The following PLEKHA8 variants were observed in gnomAD, a reference collection of about 807,000 sequenced individuals.
PLEKHA8 encodes pleckstrin homology domain containing A8.
In PLEKHA8, 36 loss-of-function variants were observed where a neutral mutation model predicts 68.2. The ratio of observed to expected loss-of-function variants is 0.53; its 90% CI spans 0.40 to 0.70. The LOEUF (loss-of-function observed/expected upper bound fraction) is 0.70, where lower values mean the gene tolerates loss of function less well. PLEKHA8 is among the 30% of genes least tolerant of loss of function. PLEKHA8 has a pLI of 0.00. For synonymous variants in PLEKHA8, 211 were observed against 216.1 expected (o/e 0.98, Z 0.20); for missense variants, 505 against 615.4 (o/e 0.82, Z 1.90).
intron 13 of PLEKHA8, among the ~76,000 whole-genome samples, chr7:30,112,246 G>T (rs1796296285): frequency 6.6e-6 from 1 of 152,128 alleles, no homozygotes; most frequent in South Asian, 2.1e-4. Flanking sequence ...TTCACAGTCA[G>T]TATGGGGTAG....
chr7:30,079,830 G>A lies in PLEKHA8; in HGVS notation c.*1043G>A. On this transcript the variant is annotated 3_prime_UTR_variant, in exon 14 of 14. Coordinates refer to ENST00000449726, the MANE Select transcript of PLEKHA8 (RefSeq NM_001197026.2). ...ACGTGATTCTTCTGCACACAGTATTGAAGAGCAACTAGATTAAATTCTAGT... is the reference window on the plus strand; with the variant it reads ...ACGTGATTCTTCTGCACACAGTATTAAAGAGCAACTAGATTAAATTCTAGT... 2.1e-6 allele frequency: 2 copies of A among 933,446 alleles called. No individual in the cohort carries two copies. Among genetic ancestry groups the A allele is most frequent in the Non-Finnish European group, 2.6e-6 (2 of 783,178 alleles). The allele number at this position is 933,446 out of a possible 1,614,324, so 57.8% of individuals were successfully genotyped here.
chr7:30,053,093 T>A (rs1792554600), intron 7 of PLEKHA8, among the ~76,000 whole-genome samples: 1 of 152,214 alleles, frequency 6.6e-6, no homozygotes, highest in Non-Finnish European at 1.5e-5. Flanking sequence ...TGCTCAGTGT[T>A]CTTGGCTGTG....
At chr7:30,049,474 T>G (rs1792236523) in intron 5 of PLEKHA8, 92 bp downstream of exon 5, 1 of 1,459,912 alleles carries the variant, frequency 6.8e-7, no homozygotes. Flanking sequence ...CTTTAGTGAC[T>G]TATAAAGACA....
chr7:30,063,550 A>G (rs993165981), intron 12 of PLEKHA8, among the ~76,000 whole-genome samples: 2 of 152,126 alleles, frequency 1.3e-5, no homozygotes, highest in African/African-American at 2.4e-5. Context: ...AGAGGGAGCT[A>G]GTGTTCTCTG....
chr7:30,082,540 GATT>G lies in PLEKHA8; in HGVS notation c.*3758_*3760del, dbSNP rs1343859448. On this transcript the variant is annotated 3_prime_UTR_variant, in exon 14 of 14. Transcript: ENST00000449726. ...ATGACATGGGGCACCTAGGAAAGAT[GATT>G]ATTAGAGGAGTGCAGCGGAAAAAAA... 1 of 985,232 alleles carries G rather than the reference GATT, an allele frequency of 1.0e-6. No individual in the cohort carries two copies. The highest frequency in any genetic ancestry group is 1.7e-5 in the African/African-American group (1 of 57,216). 61.0% of individuals were successfully genotyped at this position (985,232 alleles called of 1,614,324 possible).
In PLEKHA8 at chr7:30,055,348, A is replaced by G. The variant is rs1433081541; in HGVS notation, c.1039+6A>G. ...TGCTGTGGTTCCAGTATTAGGTAAG[A>G]TTCCTGCAGTTGCCTTACATTCATT... On this transcript the variant is annotated splice_donor_region_variant and intron_variant, in intron 9 of 13. Coordinates refer to ENST00000449726, the MANE Select transcript of PLEKHA8 (RefSeq NM_001197026.2). The G allele has an allele frequency of 3.7e-6, 6 of 1,612,572 alleles. No individual in the cohort carries two copies. In the Middle Eastern group the frequency reaches 6.6e-4, roughly 177 times the overall value.
intron 1 of PLEKHA8, among the ~76,000 whole-genome samples, chr7:30,034,010 CTTTTTTTTTTTTTTTTTTTTT>C (rs56796780): frequency 2.9e-5 from 1 of 34,632 alleles, no homozygotes; most frequent in Admixed American, 5.3e-4. Flanking sequence ...TAAGAGGTTT[CTTTTTTTTTTTTTTTTTTTTT>C]TTTTTTTTTT....
chr7:30,103,244 AT>A (rs1271503295), intron 13 of PLEKHA8, among the ~76,000 whole-genome samples: 1 of 152,226 alleles, frequency 6.6e-6, no homozygotes, highest in Non-Finnish European at 1.5e-5. Context: ...ATTTTATGTT[AT>A]GTATGTTTTG....
At chr7:30,056,549 TA>T (rs1424012781) in intron 9 of PLEKHA8, among the ~76,000 whole-genome samples, 1 of 147,892 alleles carries the variant, frequency 6.8e-6, no homozygotes, top group Non-Finnish European at 1.5e-5. Flanking sequence ...GCCAACATGG[TA>T]AAACCCCGTC....
chr7:30,058,896 G>C (rs887793253), intron 9 of PLEKHA8, among the ~76,000 whole-genome samples: 1 of 152,244 alleles, frequency 6.6e-6, no homozygotes, highest in South Asian at 2.1e-4. Flanking sequence ...GGAGGCCAAG[G>C]CAGGAGGATC....
rs148911021 is a variant in PLEKHA8, at chr7:30,114,369, T to C, written c.1363-14897T>C. 1.3e-3 allele frequency among the ~76,000 whole-genome samples: 193 copies of C among 152,364 alleles called. 2 individuals carry two copies. Among genetic ancestry groups the C allele is most frequent in the Non-Finnish European group, 1.3e-3 (91 of 68,038 alleles). On this transcript the variant is annotated intron_variant, in intron 13 of 13. Transcript: ENST00000396257. The stretch of plus-strand genomic sequence containing the variant: ...ATGAGGGACTTGAGGCACAGAAATA[T>C]TAAGTGACACACCCAAGGTCACCCA...
chr7:30,069,863 G>C (rs1052748857), intron 12 of PLEKHA8: 22 of 152,128 alleles, frequency 1.4e-4, no homozygotes, highest in Admixed American at 1.1e-3. Context: ...TAGAAATTTT[G>C]ACTCAGTTTC....
chr7:30,103,320 A>G (rs1323324999), intron 13 of PLEKHA8, among the ~76,000 whole-genome samples: 3 of 152,238 alleles, frequency 2.0e-5, no homozygotes, highest in Non-Finnish European at 2.9e-5. Context: ...TGCACTTTGA[A>G]TTGTATACTT....
Position 30,082,911 on chromosome 7 carries a change from TC to T in PLEKHA8, c.*4126del, listed in dbSNP as rs1331533974. On this transcript the variant is annotated 3_prime_UTR_variant, in exon 14 of 14. Coordinates refer to ENST00000449726, the MANE Select transcript of PLEKHA8 (RefSeq NM_001197026.2). ...GTTTTTTTCCTAGCAAACTACCATG[TC>T]CTACAAGAACTTGGTTATATAATGG... 8.1e-6 allele frequency: 8 copies of T among 985,252 alleles called. No individual in the cohort carries two copies. The highest frequency in any genetic ancestry group is 9.6e-6 in the Non-Finnish European group (8 of 829,908). 61.0% of individuals were successfully genotyped at this position (985,252 alleles called of 1,614,324 possible).
Position 30,028,502 on chromosome 7 carries a change from C to T in PLEKHA8, c.-261C>T, listed in dbSNP as rs1387741425. On this transcript the variant is annotated 5_prime_UTR_variant, in exon 1 of 14. Coordinates refer to ENST00000449726, the MANE Select transcript of PLEKHA8 (RefSeq NM_001197026.2). ...CTCCGACCCACGTAGGGCCCGGACC[C>T]GGGCCTCCTTGTGAACAGCGTGCCG... 2.8e-6 allele frequency: 1 copy of T among 358,634 alleles called. No individual in the cohort carries two copies. The highest frequency in any genetic ancestry group is 5.0e-6 in the Non-Finnish European group (1 of 200,586). 22.2% of individuals were successfully genotyped at this position (358,634 alleles called of 1,614,324 possible). A position where few individuals can be genotyped will look rare whatever the true frequency, so the allele number is the denominator to read the frequency against.
chr7:30,080,523 G>T lies in PLEKHA8; in HGVS notation c.*1736G>T. ...TAGTCAGAGAAGTTTATGTAGGGAG[G>T]GGTATTGGTTTTGCCTTTGTGTGTC... On this transcript the variant is annotated 3_prime_UTR_variant, in exon 14 of 14. Coordinates refer to ENST00000449726, the MANE Select transcript of PLEKHA8 (RefSeq NM_001197026.2). 2 of 985,294 alleles carry T rather than the reference G, an allele frequency of 2.0e-6. No homozygotes were observed. Among genetic ancestry groups the T allele is most frequent in the Non-Finnish European group, 2.4e-6 (2 of 829,894 alleles). 61.0% of individuals were successfully genotyped at this position (985,294 alleles called of 1,614,324 possible). A position where few individuals can be genotyped will look rare whatever the true frequency, so the allele number is the denominator to read the frequency against.
intron 1 of PLEKHA8, among the ~76,000 whole-genome samples, chr7:30,036,610 C>T (rs1791119681): frequency 6.6e-6 from 1 of 152,134 alleles, no homozygotes; most frequent in African/African-American, 2.4e-5. Context: ...CTGTGCAGAA[C>T]AAATAAATAT....
chr7:30,076,446 A>T (rs911063908), intron 13 of PLEKHA8, among the ~76,000 whole-genome samples: 1 of 152,214 alleles, frequency 6.6e-6, no homozygotes, highest in Non-Finnish European at 1.5e-5. Context: ...TATGTCGAAT[A>T]CTAAGAACTA....
At chr7:30,067,085 G>A (rs1427945434) in intron 12 of PLEKHA8, among the ~76,000 whole-genome samples, 1 of 152,220 alleles carries the variant, frequency 6.6e-6, no homozygotes, top group African/African-American at 2.4e-5. Context: ...AATTAACAAA[G>A]GGCATCTCTG....
Sources: allele counts gnomAD v4.1 joint callset (sites outside exome capture counted in the v4.1 genomes callset), GRCh38; gene constraint gnomAD v4.1.1; transcripts MANE v1.5; gene names NCBI Gene and HGNC (gene_info 2026-07-23, HGNC 2026-07-21).